Variants in ANKFN1 observed in about 807,000 individuals in gnomAD.
ANKFN1 encodes ankyrin repeat and fibronectin type III domain containing 1.
In ANKFN1, 74 loss-of-function variants were observed where a neutral mutation model predicts 108.7. The observed-to-expected ratio is 0.68, with a 90% CI of 0.56 to 0.83. The LOEUF is 0.83. ANKFN1 is among the 40% of genes least tolerant of loss of function. The probability of loss-of-function intolerance (pLI) is 0.00; values close to 1 mark genes in which losing one functional copy is unlikely to be tolerated. For missense variants in ANKFN1, 1,505 were observed against 1,382.3 expected (o/e 1.09, Z -1.41); for synonymous variants, 547 against 516.2 (o/e 1.06, Z -0.81).
At chr17:56,446,085 C>G (rs768053931) in intron 10 of ANKFN1, among the ~76,000 whole-genome samples, 5 of 152,172 alleles carry the variant, frequency 3.3e-5, no homozygotes, top group Non-Finnish European at 7.3e-5. Flanking sequence ...TTCCAAAAAC[C>G]TTGGCATTAT....
rs184635661 is a variant in ANKFN1 at position 56,261,883 on chromosome 17, A to G, written c.53+33926A>G. Among the ~76,000 whole-genome samples the G allele has an allele frequency of 8.6e-4, 131 of 152,176 alleles. 1 individual carries two copies. Among genetic ancestry groups the G allele is most frequent in the Non-Finnish European group, 5.3e-4 (36 of 67,990 alleles). The stretch of plus-strand genomic sequence containing the variant: ...ACAATACTTTGCATCCTTCAATCCA[A>G]TCAAGTTGACACTCAATATTAACCA... On this transcript the variant is annotated intron_variant, in intron 3 of 20. Coordinates refer to ENST00000682825, the MANE Select transcript of ANKFN1 (RefSeq NM_001370326.1).
intron 4 of ANKFN1, among the ~76,000 whole-genome samples, chr17:56,348,262 T>TA (rs2046156965): frequency 6.6e-6 from 1 of 152,118 alleles, no homozygotes; most frequent in East Asian, 1.9e-4. Context: ...TACACATACA[T>TA]ACACATTACA....
intron 4 of ANKFN1, among the ~76,000 whole-genome samples, chr17:56,327,908 A>G (rs1426177397): frequency 6.6e-6 from 1 of 152,184 alleles, no homozygotes; most frequent in Non-Finnish European, 1.5e-5. Context: ...CATCAGAAAT[A>G]CACAGATGAG....
intron 4 of ANKFN1, among the ~76,000 whole-genome samples, chr17:56,047,519 C>A (rs1340179034): frequency 6.6e-6 from 1 of 152,058 alleles, no homozygotes; most frequent in East Asian, 1.9e-4. Flanking sequence ...CAACTGAATG[C>A]TGTTATGTGG....
At chr17:56,211,611 T>A (rs1475402434) in intron 1 of ANKFN1, among the ~76,000 whole-genome samples, 1 of 152,146 alleles carries the variant, frequency 6.6e-6, no homozygotes, top group Non-Finnish European at 1.5e-5. Flanking sequence ...TCCATATGAA[T>A]TTTAGGATTG....
chr17:56,142,960 T>G (rs1438262678), intron 4 of ANKFN1, among the ~76,000 whole-genome samples: 1 of 152,192 alleles, frequency 6.6e-6, no homozygotes, highest in Non-Finnish European at 1.5e-5. Context: ...AGGCGCGATC[T>G]GATCACTCAC....
intron 1 of ANKFN1, among the ~76,000 whole-genome samples, chr17:56,161,831 T>A (rs1299651560): frequency 6.6e-6 from 1 of 152,204 alleles, no homozygotes; most frequent in Admixed American, 6.5e-5. Context: ...AAAATGTGTC[T>A]TCCTAACTTA....
intron 8 of ANKFN1, among the ~76,000 whole-genome samples, chr17:56,419,717 A>G (rs1390447496): frequency 1.3e-5 from 2 of 150,086 alleles, no homozygotes; most frequent in Admixed American, 1.3e-4. Flanking sequence ...CAAGAGGCCT[A>G]GTTACTCAAG....
intron 4 of ANKFN1, among the ~76,000 whole-genome samples, chr17:56,105,670 CT>C (rs542538646): frequency 1.5e-4 from 22 of 147,378 alleles, no homozygotes; most frequent in African/African-American, 4.8e-4. Flanking sequence ...TTTATTATTG[CT>C]TTTTTTCAGT....
rs992361010 is a variant in ANKFN1 at position 56,227,330 on chromosome 17, C to T, written c.13-587C>T. On this transcript the variant is annotated intron_variant, in intron 2 of 20. Transcript: ENST00000682825. The stretch of plus-strand genomic sequence containing the variant: ...GCATAGGCACAGTCTAATTGTCCCT[C>T]CCCTTTTACCAACATCTTGAATAAA... Among the ~76,000 whole-genome samples the T allele has an allele frequency of 5.3e-5, 8 of 152,124 alleles. No homozygotes were observed. In the East Asian group the frequency reaches 9.6e-4, roughly 18 times the overall value.
At chr17:56,184,766 G>A (rs1308676754) in intron 1 of ANKFN1, 1 of 152,090 alleles carries the variant, frequency 6.6e-6, no homozygotes, top group African/African-American at 2.4e-5. Flanking sequence ...CTGAGAGGTC[G>A]GTACATCCTG....
At chr17:56,199,283 A>G (rs1331348437) in intron 1 of ANKFN1, among the ~76,000 whole-genome samples, 1 of 147,126 alleles carries the variant, frequency 6.8e-6, no homozygotes, top group Non-Finnish European at 1.5e-5. Flanking sequence ...AAAAAAAAAA[A>G]AGACACAGAC....
chr17:56,177,924 G>T (rs1305526077), intron 1 of ANKFN1, among the ~76,000 whole-genome samples: 1 of 152,062 alleles, frequency 6.6e-6, no homozygotes, highest in East Asian at 1.9e-4. Context: ...TCATTATTTA[G>T]TTAGGATTTC....
chr17:56,486,008 A>G (rs116508095), intron 18 of ANKFN1, among the ~76,000 whole-genome samples: 324 of 152,320 alleles, frequency 2.1e-3, no homozygotes, highest in African/African-American at 7.3e-3. Flanking sequence ...CATAAATACA[A>G]AACTAGAGAT....
At chr17:56,085,294 C>T (rs1460160462) in intron 4 of ANKFN1, among the ~76,000 whole-genome samples, 2 of 149,682 alleles carry the variant, frequency 1.3e-5, no homozygotes, top group Non-Finnish European at 1.5e-5. Context: ...ATGAGGTGAT[C>T]GTAGATTACC....
At chr17:56,201,893 C>G (rs1188879265) in intron 1 of ANKFN1, among the ~76,000 whole-genome samples, 1 of 152,196 alleles carries the variant, frequency 6.6e-6, no homozygotes, top group Non-Finnish European at 1.5e-5. Flanking sequence ...AAAACTACCA[C>G]TACCCCTGCA....
intron 4 of ANKFN1, among the ~76,000 whole-genome samples, chr17:56,089,586 A>G (rs1052483349): frequency 1.3e-5 from 2 of 151,444 alleles, no homozygotes; most frequent in Admixed American, 1.3e-4. Context: ...TGCCAGTAGG[A>G]GCTAGGAAAA....
chr17:56,339,624 A>G lies in ANKFN1; in HGVS notation c.189-11142A>G, dbSNP rs552108104. Among the ~76,000 whole-genome samples the G allele has an allele frequency of 2.6e-5, 4 of 152,278 alleles. No homozygotes were observed. The South Asian group carries it at 8.3e-4, about 32-fold the overall frequency. On this transcript the variant is annotated intron_variant, in intron 4 of 20. Coordinates refer to ENST00000682825, the MANE Select transcript of ANKFN1 (RefSeq NM_001370326.1). ...CCTCCAGCTCCACCCATGTCCCTGCAAAGGTCATAATCTTGTTCTTTTTAT... is the reference window on the plus strand; with the variant it reads ...CCTCCAGCTCCACCCATGTCCCTGCGAAGGTCATAATCTTGTTCTTTTTAT...
At chr17:56,181,032 GC>G (rs1188484839) in intron 1 of ANKFN1, among the ~76,000 whole-genome samples, 1 of 152,164 alleles carries the variant, frequency 6.6e-6, no homozygotes, top group Non-Finnish European at 1.5e-5. Context: ...ACTTTCAAAG[GC>G]AGTTTCTATT....
Sources: gnomAD v4.1 joint callset for allele counts (sites outside exome capture counted in the v4.1 genomes callset) on GRCh38, gnomAD v4.1.1 for gene constraint, MANE v1.5 for transcripts, NCBI Gene and HGNC (gene_info 2026-07-23, HGNC 2026-07-21) for gene names.